Variants in SGCG observed in about 807,000 individuals in gnomAD.
The protein encoded by SGCG is gamma-sarcoglycan.
A neutral mutation model predicts 29.3 loss-of-function variants in SGCG; 26 were observed. That is an observed-to-expected ratio of 0.89 (90% CI 0.65 to 1.23). The LOEUF is 1.23. Ranked by LOEUF, SGCG falls within the 50% of genes most tolerant of loss-of-function variation. The pLI is 0.00. For synonymous variants in SGCG, 145 were observed against 129.7 expected (o/e 1.12, Z -0.80); for missense variants, 353 against 356.0 (o/e 0.99, Z 0.07).
At chr13:23,208,945 T>C (rs939084259) in intron 2 of SGCG, among the ~76,000 whole-genome samples, 13 of 152,138 alleles carry the variant, frequency 8.5e-5, no homozygotes, top group Non-Finnish European at 1.0e-4. Context: ...TTTAATGATA[T>C]TGATTTTTTA....
intron 4 of SGCG, among the ~76,000 whole-genome samples, chr13:23,255,969 C>CACT (rs1415638929): frequency 2.0e-5 from 3 of 152,172 alleles, no homozygotes; most frequent in African/African-American, 7.2e-5. Context: ...CCCAGCATGT[C>CACT]ACTACTACAA....
intron 6 of SGCG, among the ~76,000 whole-genome samples, chr13:23,318,245 T>C (rs1285252796): frequency 1.3e-5 from 2 of 152,152 alleles, no homozygotes; most frequent in East Asian, 3.9e-4. Flanking sequence ...ACTAGTTATG[T>C]CCCTCTAGGG....
At chr13:23,241,543 AAAG>A (rs1461248911) in intron 3 of SGCG, among the ~76,000 whole-genome samples, 5 of 152,218 alleles carry the variant, frequency 3.3e-5, no homozygotes, top group South Asian at 2.1e-4. Context: ...CCAAACATTT[AAAG>A]AAGAATTAAT....
chr13:23,274,409 T>C (rs1409273693), intron 4 of SGCG, among the ~76,000 whole-genome samples: 1 of 139,116 alleles, frequency 7.2e-6, no homozygotes, highest in East Asian at 2.0e-4. Context: ...TTTTTTTTTT[T>C]TTTTTTTTTT....
At chr13:23,311,183 A>T (rs1882586475) in intron 6 of SGCG, among the ~76,000 whole-genome samples, 1 of 152,174 alleles carries the variant, frequency 6.6e-6, no homozygotes, top group Admixed American at 6.5e-5. Context: ...TTTAAAATAT[A>T]TTACTCATTA....
intron 4 of SGCG, chr13:23,267,755 G>T (rs1248654954): frequency 1.3e-5 from 2 of 152,208 alleles, no homozygotes; most frequent in Non-Finnish European, 2.9e-5. Context: ...AGAAACATTT[G>T]GAATGCTGCC....
At chr13:23,185,215 C>A (rs1471285042) in intron 1 of SGCG, among the ~76,000 whole-genome samples, 1 of 152,180 alleles carries the variant, frequency 6.6e-6, no homozygotes, top group Non-Finnish European at 1.5e-5. Context: ...TCTGAGAATT[C>A]CATCAGCATA....
chr13:23,294,539 G>A (rs1374015486), intron 5 of SGCG, among the ~76,000 whole-genome samples: 1 of 152,102 alleles, frequency 6.6e-6, no homozygotes, highest in Non-Finnish European at 1.5e-5. Flanking sequence ...GTGAAAATAG[G>A]AAATAGTCCC....
chr13:23,177,659 C>T (rs759514908), upstream of SGCG, among the ~76,000 whole-genome samples: 4 of 147,274 alleles, frequency 2.7e-5, no homozygotes, highest in Admixed American at 1.4e-4. Flanking sequence ...GCAACTACCA[C>T]CTCCCAGGTT....
chr13:23,316,244 C>T (rs547202793), intron 6 of SGCG, among the ~76,000 whole-genome samples: 91 of 152,316 alleles, frequency 6.0e-4, no homozygotes, highest in Non-Finnish European at 9.7e-4. Flanking sequence ...GGTTTGTCCT[C>T]ACTGGAATAG....
chr13:23,190,255 T>C (rs1483848555), intron 1 of SGCG, among the ~76,000 whole-genome samples: 1 of 152,136 alleles, frequency 6.6e-6, no homozygotes, highest in African/African-American at 2.4e-5. Context: ...ATATATGGCA[T>C]TATAGAGTTC....
In SGCG at chr13:23,265,301, G is replaced by A. The variant is rs80140153; in HGVS notation, c.386-14058G>A. On this transcript the variant is annotated intron_variant, in intron 4 of 7. Transcript: ENST00000218867. ...TCATTAAAAAGTAGGCAAAGGGGCC[G>A]GGCACAGTGGCTCATGCCTGTAATC... is the stretch of plus-strand genomic sequence containing the variant. Among the ~76,000 whole-genome samples the A allele has an allele frequency of 0.022, 3,369 of 152,230 alleles. 232 individuals are homozygous for A. In the East Asian group the frequency reaches 0.25, roughly 11 times the overall value.
intron 2 of SGCG, among the ~76,000 whole-genome samples, chr13:23,210,176 A>G (rs1593174405): frequency 6.6e-6 from 1 of 152,308 alleles, no homozygotes; most frequent in East Asian, 1.9e-4. Context: ...CTGGGAAATT[A>G]TTTGTTTATG....
intron 5 of SGCG, among the ~76,000 whole-genome samples, chr13:23,280,144 G>A (rs540600891): frequency 1.0e-3 from 152 of 152,086 alleles, no homozygotes; most frequent in South Asian, 6.6e-3. Flanking sequence ...TCATGTACTT[G>A]AATTACTCAT....
At chr13:23,175,523 C>G in the SGCG span, among the ~76,000 whole-genome samples, 2 of 152,124 alleles carry the variant, frequency 1.3e-5, no homozygotes, top group South Asian at 2.1e-4. Flanking sequence ...ACAAATTATT[C>G]AAGGTCATGA....
intron 2 of SGCG, among the ~76,000 whole-genome samples, chr13:23,225,744 T>C (rs1878867450): frequency 6.6e-6 from 1 of 151,164 alleles, no homozygotes; most frequent in African/African-American, 2.4e-5. Context: ...ACTGCTCTTG[T>C]GATTCTGCTC....
intron 6 of SGCG, among the ~76,000 whole-genome samples, chr13:23,319,382 A>T (rs548376857): frequency 6.6e-6 from 1 of 152,246 alleles, no homozygotes; most frequent in South Asian, 2.1e-4. Flanking sequence ...TCCCCAGCCT[A>T]ACTTGACCAA....
chr13:23,200,693 G>A lies in SGCG; in HGVS notation c.1-3002G>A, dbSNP rs140675290. Among the ~76,000 whole-genome samples the A allele has an allele frequency of 4.2e-3, 633 of 152,204 alleles. 5 individuals are homozygous for A. The highest frequency in any genetic ancestry group is 0.014 in the African/African-American group (593 of 41,522). On this transcript the variant is annotated intron_variant, in intron 1 of 7. Coordinates refer to ENST00000218867, the MANE Select transcript of SGCG (RefSeq NM_000231.3). ...AAGAAAAAATGTCAGAGGAGCATGG[G>A]GAGCTCTGTGGTGGTGTTGGTGGGG...
At chr13:23,283,592 T>C (rs146080308) in intron 5 of SGCG, among the ~76,000 whole-genome samples, 16 of 152,208 alleles carry the variant, frequency 1.1e-4, no homozygotes, top group African/African-American at 3.4e-4. Flanking sequence ...TGTCTTTTAA[T>C]TGGGGCATTT....
Sources: gnomAD v4.1 joint callset for allele counts (sites outside exome capture counted in the v4.1 genomes callset) on GRCh38, gnomAD v4.1.1 for gene constraint, MANE v1.5 for transcripts, NCBI Gene and HGNC (gene_info 2026-07-23, HGNC 2026-07-21) for gene names.